ANKRD18A: variants seen among roughly 807,000 people sequenced by gnomAD.
The protein encoded by ANKRD18A is ankyrin repeat domain-containing protein 18A.
A neutral mutation model predicts 110.6 loss-of-function variants in ANKRD18A; 72 were observed. The ratio of observed to expected loss-of-function variants is 0.65; its 90% CI spans 0.54 to 0.79. ANKRD18A has a LOEUF of 0.79. ANKRD18A is among the 30% of genes least tolerant of loss of function. The probability of loss-of-function intolerance (pLI) is 0.00; values close to 1 mark genes in which losing one functional copy is unlikely to be tolerated. For missense variants in ANKRD18A, 934 were observed against 1,163.3 expected (o/e 0.80, Z 2.87); for synonymous variants, 305 against 410.3 (o/e 0.74, Z 3.10).
Position 38,577,138 on chromosome 9 carries a change from C to T in ANKRD18A, c.2656G>A (p.Glu886Lys). 6.5e-7 allele frequency: 1 copy of T among 1,549,602 alleles called. No homozygotes were observed. The change falls in exon 14 of 16, where the codon GAG (glutamate) becomes AAG (lysine). Residue 886 changes from glutamate (E) to lysine (K), a missense_variant. Glu to Lys is a moderately conservative substitution (Grantham distance 56, BLOSUM62 1). Transcript: ENST00000399703. Reference protein sequence around the residue: ...KFSKMKTAYEEVTTELEEFKE... With the variant: ...KFSKMKTAYEKVTTELEEFKE... ...AATTCTTCTAATTCAGTTGTAACCT[C>T]TTCATAAGCAGTTTTCATTTTGGAG...
At chr9:38,600,052 G>A (rs1825057054) in intron 8 of ANKRD18A, among the ~76,000 whole-genome samples, 1 of 152,166 alleles carries the variant, frequency 6.6e-6, no homozygotes, top group African/African-American at 2.4e-5. Flanking sequence ...AAACTGAACT[G>A]TGAAACTTAA....
chr9:38,602,056 A>G (rs1030063195), intron 7 of ANKRD18A, among the ~76,000 whole-genome samples: 1 of 148,324 alleles, frequency 6.7e-6, no homozygotes, highest in Non-Finnish European at 1.5e-5. Flanking sequence ...GAATCTGGCT[A>G]TCTTTTCTCC....
intron 12 of ANKRD18A, among the ~76,000 whole-genome samples, chr9:38,585,075 A>C (rs539418504): frequency 6.6e-6 from 1 of 152,304 alleles, no homozygotes; most frequent in Non-Finnish European, 1.5e-5. Flanking sequence ...GGGAATCTGC[A>C]TCTGTAAGAA....
intron 10 of ANKRD18A, among the ~76,000 whole-genome samples, chr9:38,592,003 A>G (rs1156243369): frequency 6.6e-6 from 1 of 152,226 alleles, no homozygotes; most frequent in Non-Finnish European, 1.5e-5. Context: ...AGCCAGAACT[A>G]TTCAGCTGAC....
In ANKRD18A at chr9:38,596,315, T is replaced by A. The variant is rs1284275113; in HGVS notation, c.1025A>T (p.Tyr342Phe). The change falls in exon 9 of 16, where the codon TAT becomes TTT. Residue 342 changes from tyrosine to phenylalanine, a missense_variant. By Grantham distance (22) the Tyr-to-Phe change is conservative (BLOSUM62 3). Transcript: ENST00000399703. ...TCTGAGACTGTCATTTTTTATTGCA[T>A]ATAATTCCTCTTTGAGCATGGCAAT... ...KDIAMLKEEL[Y>F]AIKNDSLRKE... The A allele has an allele frequency of 6.5e-7, 1 of 1,528,288 alleles. No homozygotes were observed. The highest frequency in any genetic ancestry group is 8.8e-7 in the Non-Finnish European group (1 of 1,139,564). The allele number at this position is 1,528,288 out of a possible 1,614,324, so 94.7% of individuals were successfully genotyped here. A position where few individuals can be genotyped will look rare whatever the true frequency, so the allele number is the denominator to read the frequency against.
At chr9:38,612,081 G>A (rs1825643847) in intron 3 of ANKRD18A, among the ~76,000 whole-genome samples, 2 of 152,070 alleles carry the variant, frequency 1.3e-5, no homozygotes, top group Admixed American at 6.6e-5. Flanking sequence ...ATCCAAAGGG[G>A]CCACTAAGGA....
intron 3 of ANKRD18A, 112 bp from the exon 4 acceptor site, chr9:38,611,433 A>C (rs1825617365): frequency 3.4e-6 from 5 of 1,484,902 alleles, no homozygotes; most frequent in Middle Eastern, 3.7e-4. Context: ...GAGAGAAAGT[A>C]AATGCAAAGC....
At chr9:38,571,232 C>T (rs980971963), downstream of ANKRD18A, 5 of 1,486,642 alleles carry the variant, frequency 3.4e-6, no homozygotes, top group Admixed American at 2.5e-5. Context: ...TAGTTTAGAA[C>T]ACCTTGTGCC....
chr9:38,591,030 C>T (rs957321810), intron 10 of ANKRD18A, among the ~76,000 whole-genome samples: 27 of 152,072 alleles, frequency 1.8e-4, no homozygotes, highest in Non-Finnish European at 3.4e-4. Context: ...GCTTGATCAC[C>T]GCTCACTGCA....
chr9:38,571,856 T>C lies in ANKRD18A; in HGVS notation c.*189A>G. The C allele has an allele frequency of 1.6e-6, 2 of 1,285,972 alleles. No individual in the cohort carries two copies. The highest frequency in any genetic ancestry group is 2.0e-6 in the Non-Finnish European group (2 of 1,007,866). The allele number at this position is 1,285,972 out of a possible 1,614,324, so 79.7% of individuals were successfully genotyped here. A position where few individuals can be genotyped will look rare whatever the true frequency, so the allele number is the denominator to read the frequency against. ...CACCATATGTGACATGAAAATATTC[T>C]ACTTTAGTAAAGATTATGATGTTTT... is the stretch of plus-strand genomic sequence containing the variant. On this transcript the variant is annotated 3_prime_UTR_variant, in exon 16 of 16. Coordinates refer to ENST00000399703, the MANE Select transcript of ANKRD18A (RefSeq NM_147195.4).
At chr9:38,620,014 G>T in intron 1 of ANKRD18A, 66 bp downstream of exon 1, 2 of 1,530,892 alleles carry the variant, frequency 1.3e-6, no homozygotes, top group South Asian at 1.2e-5. Context: ...CGCCCCAGGG[G>T]CTGCCGGGCT....
intron 8 of ANKRD18A, among the ~76,000 whole-genome samples, chr9:38,597,419 G>A (rs553381028): frequency 4.3e-4 from 65 of 152,212 alleles, no homozygotes; most frequent in Non-Finnish European, 5.3e-4. Flanking sequence ...AAAATGAGAT[G>A]TTCCTCAAAT....
At position 38,615,591 on chromosome 9, in the gene ANKRD18A, T is replaced by C. The variant is rs985616512; in HGVS notation, c.495+3A>G. On this transcript the variant is annotated splice_donor_region_variant and intron_variant, in intron 3 of 15. Coordinates refer to ENST00000399703, the MANE Select transcript of ANKRD18A (RefSeq NM_147195.4). ...TTTGAAAAGAAAGTTGATTGATCTG[T>C]ACCTTGTTTAGTGCTTCAATATTTG... 2 of 1,596,822 alleles carry C rather than the reference T, an allele frequency of 1.3e-6. No homozygotes were observed. The highest frequency in any genetic ancestry group is 8.5e-7 in the Non-Finnish European group (1 of 1,172,800).
chr9:38,596,605 A>G (rs1198101320), intron 8 of ANKRD18A, among the ~76,000 whole-genome samples: 3 of 151,894 alleles, frequency 2.0e-5, no homozygotes, highest in African/African-American at 4.8e-5. Flanking sequence ...TTTGAAGTCA[A>G]TGAATCCATA....
At chr9:38,619,439 T>C (rs1402648061) in intron 1 of ANKRD18A, among the ~76,000 whole-genome samples, 1 of 152,204 alleles carries the variant, frequency 6.6e-6, no homozygotes, top group East Asian at 1.9e-4. Context: ...TTTCAGCTGT[T>C]AGTAAATAAT....
At chr9:38,597,420 T>C (rs1210553340) in intron 8 of ANKRD18A, among the ~76,000 whole-genome samples, 1 of 152,088 alleles carries the variant, frequency 6.6e-6, no homozygotes, top group Non-Finnish European at 1.5e-5. Context: ...AAATGAGATG[T>C]TCCTCAAATT....
At chr9:38,578,284 A>G (rs1203800066) in intron 12 of ANKRD18A, 136 bp from the exon 13 acceptor site, 1 of 825,260 alleles carries the variant, frequency 1.2e-6, no homozygotes, top group Non-Finnish European at 1.8e-6. Context: ...TCAAATGTGA[A>G]CCCTTAAATT....
Position 38,596,236 on chromosome 9 carries a change from G to A in ANKRD18A, c.1104C>T (p.Asn368=), listed in dbSNP as rs1419664943. 6.5e-7 allele frequency: 1 copy of A among 1,534,846 alleles called. No homozygotes were observed. Among genetic ancestry groups the A allele is most frequent in the Non-Finnish European group, 8.8e-7 (1 of 1,142,414 alleles). ...EIKSITEINA[N]FEKSVRLNEK... ...CATTGAGTCTTACACTCTTTTCAAA[G>A]TTAGCATTTATTTCTGTAATGCTTT... Residue 368 remains asparagine, a synonymous_variant, in exon 9 of 16, where the codon AAC becomes AAT. Transcript: ENST00000399703.
intron 12 of ANKRD18A, among the ~76,000 whole-genome samples, chr9:38,579,995 T>TA (rs1254397390): frequency 1.3e-5 from 2 of 152,130 alleles, no homozygotes; most frequent in Non-Finnish European, 2.9e-5. Context: ...ACTCACCATA[T>TA]AAAAAAATGA....
Sources: gnomAD v4.1 joint callset for allele counts (sites outside exome capture counted in the v4.1 genomes callset) on GRCh38, gnomAD v4.1.1 for gene constraint, MANE v1.5 for transcripts, NCBI Gene and HGNC (gene_info 2026-07-23, HGNC 2026-07-21) for gene names.